NAV2: variants seen among roughly 807,000 people sequenced by gnomAD.
NAV2 encodes helicase, APC down-regulated 1.
In NAV2, 54 loss-of-function variants were observed where a neutral mutation model predicts 223.2. The ratio of observed to expected loss-of-function variants is 0.24; its 90% confidence interval spans 0.19 to 0.30. The LOEUF (loss-of-function observed/expected upper bound fraction) is 0.30, where lower values mean the gene tolerates loss of function less well. Ranked by LOEUF, NAV2 falls within the 10% of genes least tolerant of loss-of-function variation. The pLI is 1.00. For synonymous variants in NAV2, 1,279 were observed against 1,239.3 expected, an observed-to-expected ratio of 1.03 and a Z score of -0.67; for missense variants, 2,806 against 3,147.5, an observed-to-expected ratio of 0.89 and a Z score of 2.60.
intron 1 of NAV2, among the ~76,000 whole-genome samples, chr11:19,620,695 G>T (rs2046965108): frequency 6.6e-6 from 1 of 152,188 alleles, no homozygotes; most frequent in South Asian, 2.1e-4. Context: ...ATACAATCAT[G>T]TCATCTCCAA....
chr11:19,575,003 T>A (rs2045533432), intron 1 of NAV2, among the ~76,000 whole-genome samples: 1 of 152,166 alleles, frequency 6.6e-6, no homozygotes, highest in Admixed American at 6.5e-5. Context: ...GCCCCTATAC[T>A]TCCTAATGGG....
intron 1 of NAV2, among the ~76,000 whole-genome samples, chr11:19,777,094 C>A (rs1384173066): frequency 2.4e-5 from 1 of 41,242 alleles, no homozygotes; most frequent in Non-Finnish European, 4.9e-5. Flanking sequence ...CAGCCGCCGA[C>A]CCCCCCCCCC....
At chr11:19,582,498 G>A (rs1017814089) in intron 1 of NAV2, among the ~76,000 whole-genome samples, 2 of 152,154 alleles carry the variant, frequency 1.3e-5, no homozygotes, top group Non-Finnish European at 2.9e-5. Context: ...TATGGTTTTA[G>A]GCCTAACATT....
chr11:20,048,921 C>G lies in NAV2; in HGVS notation c.4096C>G (p.Pro1366Ala), dbSNP rs1183157373. Residue 1366 changes from proline to alanine, a missense_variant, in exon 15 of 38, where the codon CCG becomes GCG. Pro to Ala is a conservative substitution (Grantham distance 27, BLOSUM62 -1). Coordinates refer to ENST00000349880, the MANE Select transcript of NAV2 (RefSeq NM_145117.5). ...YSKNVDLNQS[P>A]LASSPSSAHS... ...CAAGAATGTGGACCTCAACCAGTCT[C>G]CGCTAGCCTCCAGCCCCAGCTCAGC... is the stretch of plus-strand genomic sequence containing the variant. 6.2e-7 allele frequency: 1 copy of G among 1,614,088 alleles called. No homozygotes were observed. The highest frequency in any genetic ancestry group is 8.5e-7 in the Non-Finnish European group (1 of 1,180,038).
At chr11:19,418,041 C>T (rs2729919) in intron 1 of NAV2, among the ~76,000 whole-genome samples, 1 of 151,666 alleles carries the variant, frequency 6.6e-6, no homozygotes, top group African/African-American at 2.4e-5. Context: ...ATGGGTCCAG[C>T]AAACCATCAT....
At chr11:19,506,876 C>A (rs2043138540) in intron 1 of NAV2, 2 of 152,222 alleles carry the variant, frequency 1.3e-5, no homozygotes, top group East Asian at 1.9e-4. Context: ...GCCCCTTGTT[C>A]AAAAATCATT....
intron 25 of NAV2, 66 bp from the exon 26 acceptor site, chr11:20,082,941 C>A: frequency 7.0e-7 from 1 of 1,438,102 alleles, no homozygotes; most frequent in Non-Finnish European, 9.4e-7. Context: ...GTGTGCATGT[C>A]TCTGTTTTGC....
chr11:19,537,444 A>G (rs2044221555), intron 1 of NAV2, among the ~76,000 whole-genome samples: 2 of 152,252 alleles, frequency 1.3e-5, no homozygotes, highest in African/African-American at 2.4e-5. Context: ...AAAGCGTACT[A>G]CAAAATAAAT....
At chr11:19,577,027 T>A (rs1220079764) in intron 1 of NAV2, among the ~76,000 whole-genome samples, 1 of 152,244 alleles carries the variant, frequency 6.6e-6, no homozygotes, top group Non-Finnish European at 1.5e-5. Context: ...CTTCAAGGAA[T>A]CCCTGGGTTC....
intron 10 of NAV2, among the ~76,000 whole-genome samples, chr11:19,959,217 T>G (rs2048150572): frequency 6.6e-6 from 1 of 152,110 alleles, no homozygotes; most frequent in Non-Finnish European, 1.5e-5. Flanking sequence ...GGGTTGAATG[T>G]TTAAGGAGAG....
chr11:19,365,743 TC>T (rs1332010807), intron 1 of NAV2, among the ~76,000 whole-genome samples: 1 of 152,264 alleles, frequency 6.6e-6, no homozygotes, highest in Non-Finnish European at 1.5e-5. Flanking sequence ...TTTTATGTTT[TC>T]CCTTCTGTCT....
chr11:19,827,787 CA>C (rs1320191865), intron 1 of NAV2, among the ~76,000 whole-genome samples: 11 of 152,232 alleles, frequency 7.2e-5, no homozygotes, highest in African/African-American at 2.6e-4. Context: ...GAATGACAGC[CA>C]ATCACAAACT....
intron 1 of NAV2, among the ~76,000 whole-genome samples, chr11:19,769,347 G>C (rs569880343): frequency 2.0e-5 from 3 of 152,196 alleles, no homozygotes; most frequent in Non-Finnish European, 4.4e-5. Flanking sequence ...ATGGACCTGC[G>C]CAGAAGCCAA....
chr11:19,622,541 G>T (rs1298665991), intron 1 of NAV2, among the ~76,000 whole-genome samples: 1 of 152,102 alleles, frequency 6.6e-6, no homozygotes, highest in Non-Finnish European at 1.5e-5. Context: ...GATCTTTGTT[G>T]GTTTAAAGTC....
chr11:19,748,844 A>G (rs10741799), intron 1 of NAV2, among the ~76,000 whole-genome samples: 78,794 of 152,072 alleles, frequency 0.52, 20,777 homozygotes, highest in South Asian at 0.65. Context: ...GGTTTCCAAA[A>G]CAGATGATGC....
chr11:19,685,369 G>A (rs1026752527), intron 1 of NAV2, among the ~76,000 whole-genome samples: 1 of 152,094 alleles, frequency 6.6e-6, no homozygotes, highest in South Asian at 2.1e-4. Flanking sequence ...GTAGGGGTGG[G>A]GAAAGCAGGT....
At chr11:19,400,990 G>A (rs56117754) in intron 1 of NAV2, among the ~76,000 whole-genome samples, 2,142 of 152,150 alleles carry the variant, frequency 0.014, 63 homozygotes, top group African/African-American at 0.048. Context: ...GCTGAAGGTC[G>A]TCAAAACATT....
In NAV2 at chr11:19,868,914, TTCCC is replaced by T. The variant is rs1214493186; in HGVS notation, c.439-7_439-4del. ...ATTTATTAAGTATATATTGTTGTTT[TTCCC>T]TCCTAGATTGAAAACATAGATGCCT... On this transcript the variant is annotated splice_polypyrimidine_tract_variant and splice_region_variant and intron_variant, in intron 3 of 37. Coordinates refer to ENST00000349880, the MANE Select transcript of NAV2 (RefSeq NM_145117.5). The T allele has an allele frequency of 1.4e-5, 23 of 1,613,294 alleles. No homozygotes were observed. Among genetic ancestry groups the T allele is most frequent in the Non-Finnish European group, 1.9e-5 (23 of 1,179,524 alleles).
chr11:19,573,484 G>A (rs1423707690), intron 1 of NAV2, among the ~76,000 whole-genome samples: 1 of 152,154 alleles, frequency 6.6e-6, no homozygotes, highest in Non-Finnish European at 1.5e-5. Flanking sequence ...GAGTATATAG[G>A]TGGGAAGGAG....
Sources: allele counts gnomAD v4.1 joint callset (sites outside exome capture counted in the v4.1 genomes callset), GRCh38; gene constraint gnomAD v4.1.1; transcripts MANE v1.5; gene names NCBI Gene and HGNC (gene_info 2026-07-23, HGNC 2026-07-21).